ADCY4: variants seen among roughly 807,000 people sequenced by gnomAD.
The protein encoded by ADCY4 is adenylate cyclase type 4.
Under a neutral mutation model 125.5 loss-of-function variants are expected in ADCY4, and 111 were observed. The observed-to-expected ratio is 0.88, with a 90% CI of 0.76 to 1.04. The LOEUF (loss-of-function observed/expected upper bound fraction) is 1.04, where lower values mean the gene tolerates loss of function less well. Ranked by LOEUF, ADCY4 falls within the 50% of genes least tolerant of loss-of-function variation. The probability of loss-of-function intolerance (pLI) is 0.00; values close to 1 mark genes in which losing one functional copy is unlikely to be tolerated. For missense variants in ADCY4, 1,256 were observed against 1,382.9 expected, an observed-to-expected ratio of 0.91 and a Z score of 1.46; for synonymous variants, 576 against 586.9, an observed-to-expected ratio of 0.98 and a Z score of 0.27.
rs2041814896 is a variant in ADCY4 at position 24,319,154 on chromosome 14, C to A, written c.2900G>T (p.Gly967Val). The A allele has an allele frequency of 6.2e-7, 1 of 1,613,936 alleles. No homozygotes were observed. Residue 967 changes from glycine to valine, a missense_variant, in exon 23 of 25, where the codon GGG (glycine) becomes GTG (valine). By Grantham distance (109) the Gly-to-Val change is moderately radical. Coordinates refer to ENST00000418030, the MANE Select transcript of ADCY4 (RefSeq NM_001198568.2). The surrounding 1 kb of genome is among the most constrained non-coding windows in gnomAD (Gnocchi z 4.5). ...CTTGTTGATGACGTCCAGCTTAGAC[C>A]CCAGGGCCACGGCAAATTCCACCAT... ...GTMVEFAVAL[G>V]SKLDVINKHS...
In ADCY4 at chr14:24,325,754, C is replaced by T. The variant is rs2041931954; in HGVS notation, c.1725+64G>A. ...TTGGGGAGGAGACCCAAGGGCTGAC[C>T]CCTCCCCAGCACCAAGGAACTAAAG... On this transcript the variant is annotated intron_variant, in intron 13 of 24. Coordinates refer to ENST00000418030, the MANE Select transcript of ADCY4 (RefSeq NM_001198568.2). 6 of 1,538,742 alleles carry T rather than the reference C, an allele frequency of 3.9e-6. No individual in the cohort carries two copies. In the Admixed American group the frequency reaches 9.7e-5, roughly 25 times the overall value.
intron 16 of ADCY4, 55 bp downstream of exon 16, chr14:24,324,007 C>T: frequency 1.3e-6 from 2 of 1,587,968 alleles, no homozygotes; most frequent in Non-Finnish European, 1.7e-6. Flanking sequence ...CCTTTCAGTC[C>T]CTGGCAGGTC....
In ADCY4 at chr14:24,330,298, G is replaced by C. The variant is rs1232421375; in HGVS notation, c.931-3C>G. 5 of 1,614,118 alleles carry C rather than the reference G, an allele frequency of 3.1e-6. No homozygotes were observed. The stretch of plus-strand genomic sequence containing the variant: ...TTGATCCGCATGCATTCATGCTCCT[G>C]GGAGTGTGTATGTGGGTGTGCAGAG... On this transcript the variant is annotated splice_region_variant and splice_polypyrimidine_tract_variant and intron_variant, in intron 6 of 24. Coordinates refer to ENST00000418030, the MANE Select transcript of ADCY4 (RefSeq NM_001198568.2).
At position 24,326,571 on chromosome 14, in the gene ADCY4, TTGTGTGTGTGTGTGTG is replaced by T. The variant is rs71119070; in HGVS notation, c.1525-245_1525-230del. 21 of 278,276 alleles carry T rather than the reference TTGTGTGTGTGTGTGTG, an allele frequency of 7.5e-5. No individual in the cohort carries two copies. The East Asian group carries it at 8.2e-4, about 11-fold the overall frequency. The allele number at this position is 278,276 out of a possible 1,614,324, so 17.2% of individuals were successfully genotyped here. A position where few individuals can be genotyped will look rare whatever the true frequency, so the allele number is the denominator to read the frequency against. On this transcript the variant is annotated intron_variant, in intron 10 of 24. Coordinates refer to ENST00000418030, the MANE Select transcript of ADCY4 (RefSeq NM_001198568.2). ...CTGACTCTCTAGACTCCCAGGATCTTTGTGTGTGTGTGTGTGTGTGTGTGTGTGTGTGTGTGTGTGT... is the reference window on the plus strand; with the variant it reads ...CTGACTCTCTAGACTCCCAGGATCTTTGTGTGTGTGTGTGTGTGTGTGTGT...
intron 16 of ADCY4, 40 bp from the exon 17 acceptor site, chr14:24,323,494 T>C: frequency 1.3e-6 from 2 of 1,549,750 alleles, no homozygotes; most frequent in African/African-American, 1.4e-5. Flanking sequence ...AGGTAGCTTC[T>C]TGGGCACAGT....
chr14:24,330,152 C>A lies in ADCY4; in HGVS notation c.1058+16G>T, dbSNP rs10483285. On this transcript the variant is annotated intron_variant, in intron 7 of 24. Coordinates refer to ENST00000418030, the MANE Select transcript of ADCY4 (RefSeq NM_001198568.2). ...ATCCACCCTCAGCATTCCTCTTGAC[C>A]ACCGCCTGAGCTGACCTGATGGCCC... 0.061 allele frequency: 97,445 copies of A among 1,609,230 alleles called. 3,272 individuals carry two copies. The highest frequency in any genetic ancestry group is 0.11 in the East Asian group (4,825 of 44,714).
Position 24,332,839 on chromosome 14 carries a change from T to G in ADCY4, c.309A>C (p.Leu103=). 6.3e-7 allele frequency: 1 copy of G among 1,590,994 alleles called. No individual in the cohort carries two copies. Residue 103 remains leucine, a synonymous_variant, in exon 2 of 25, where the codon CTA becomes CTC. Coordinates refer to ENST00000418030, the MANE Select transcript of ADCY4 (RefSeq NM_001198568.2). Reference sequence around the variant, plus strand: ...CCCCGGTGAACAGGAAGGCGTGGCCTAGCGCTAGCAGCGCGACCCATACCA... The same window carrying G: ...CCCCGGTGAACAGGAAGGCGTGGCCGAGCGCTAGCAGCGCGACCCATACCA... ...SGLVWVALLA[L]GHAFLFTGGV...
chr14:24,334,129 T>C (rs1200218203), intron 1 of ADCY4, among the ~76,000 whole-genome samples: 2 of 152,136 alleles, frequency 1.3e-5, no homozygotes, highest in African/African-American at 4.8e-5. Context: ...ACAACTGCTC[T>C]ACATCCCCTA....
chr14:24,330,918 G>A, intron 6 of ADCY4, 100 bp downstream of exon 6: 2 of 1,055,308 alleles, frequency 1.9e-6, no homozygotes, highest in Non-Finnish European at 2.7e-6. Context: ...ATGCACTGAA[G>A]TGGGCCTGGG....
At chr14:24,333,976 A>G (rs1453172337) in intron 1 of ADCY4, among the ~76,000 whole-genome samples, 1 of 152,218 alleles carries the variant, frequency 6.6e-6, no homozygotes, top group African/African-American at 2.4e-5. Context: ...CCTTGCCTCC[A>G]AGCAGTGAAA....
In ADCY4 at chr14:24,332,626, G is replaced by C. The variant is rs559662412; in HGVS notation, c.415C>G (p.Arg139Gly). 15 of 1,582,814 alleles carry C rather than the reference G, an allele frequency of 9.5e-6. No homozygotes were observed. The highest frequency in any genetic ancestry group is 2.3e-5 in the East Asian group (1 of 43,482). The change falls in exon 3 of 25, where the codon CGG (arginine) becomes GGG (glycine). Residue 139 changes from arginine to glycine, a missense_variant. Physicochemically the swap from Arg to Gly is moderately radical, Grantham distance 125. Coordinates refer to ENST00000418030, the MANE Select transcript of ADCY4 (RefSeq NM_001198568.2). ...TAYAMLPLGMRDAAVAGLASS... is the reference protein window; with the variant it reads ...TAYAMLPLGMGDAAVAGLASS... The stretch of plus-strand genomic sequence containing the variant: ...GCGAGGCCCGCGACGGCGGCGTCCC[G>C]CATGCCCAAGGGCAGCATGGCATAC...
At chr14:24,323,623 G>A in intron 16 of ADCY4, 169 bp from the exon 17 acceptor site, 1 of 1,433,292 alleles carries the variant, frequency 7.0e-7, no homozygotes. Flanking sequence ...TCCTCACTCG[G>A]GGAGGAGTTA....
intron 10 of ADCY4, chr14:24,328,774 G>A (rs1030595093): frequency 6.2e-5 from 24 of 387,896 alleles, no homozygotes; most frequent in African/African-American, 2.3e-4. Context: ...TCTCGTCGTC[G>A]CACACAGGGA....
chr14:24,325,692 C>G, intron 13 of ADCY4, 126 bp downstream of exon 13: 2 of 1,169,780 alleles, frequency 1.7e-6, no homozygotes, highest in Non-Finnish European at 2.4e-6. Flanking sequence ...GAGAGAGGCA[C>G]AAGCTCCTCA....
Position 24,334,630 on chromosome 14 carries a change from C to T in ADCY4, c.23G>A (p.Arg8Gln). The change falls in exon 1 of 25, where the codon CGG (arginine) becomes CAG (glutamine). Residue 8 changes from arginine (R) to glutamine (Q), a missense_variant. By Grantham distance (43) the Arg-to-Gln change is conservative. Coordinates refer to ENST00000418030, the MANE Select transcript of ADCY4 (RefSeq NM_001198568.2). ...GAAGAGGTCTTCGCTGGGGGGCGGC[C>T]GGGGGCTGAAGAGGCGGGCCATGAT... MARLFSP[R>Q]PPPSEDLFYE... is the part of the protein sequence containing the mutation. The T allele has an allele frequency of 6.4e-7, 1 of 1,553,856 alleles. No individual in the cohort carries two copies. Among genetic ancestry groups the T allele is most frequent in the Non-Finnish European group, 8.7e-7 (1 of 1,151,726 alleles).
chr14:24,328,994 G>A, intron 10 of ADCY4, 67 bp downstream of exon 10: 2 of 1,552,894 alleles, frequency 1.3e-6, no homozygotes, highest in South Asian at 1.2e-5. Context: ...AAGGCTGCCA[G>A]TGGGGCCTGA....
In ADCY4 at chr14:24,332,875, G is replaced by T. The variant is rs200394348; in HGVS notation, c.273C>A (p.Pro91=). The T allele has an allele frequency of 5.6e-6, 9 of 1,606,008 alleles. No homozygotes were observed. The African/African-American group carries it at 1.1e-4, about 19-fold the overall frequency. Reference sequence around the variant, plus strand: ...GCGCGACCCATACCAAGCCGGACAGGGGACGCGTCCAGCGCTGCAGTCGCT... The same window carrying T: ...GCGCGACCCATACCAAGCCGGACAGTGGACGCGTCCAGCGCTGCAGTCGCT... ...REQRLQRWTR[P]LSGLVWVALL... The change falls in exon 2 of 25, where the codon CCC becomes CCA. Residue 91 remains proline (P), a synonymous_variant. Coordinates refer to ENST00000418030, the MANE Select transcript of ADCY4 (RefSeq NM_001198568.2).
chr14:24,334,550 C>G lies in ADCY4; in HGVS notation c.103G>C (p.Gly35Arg). Residue 35 changes from glycine (G) to arginine (R), a missense_variant, in exon 1 of 25, where the codon GGG becomes CGG. Physicochemically the swap from Gly to Arg is moderately radical, Grantham distance 125 (BLOSUM62 -2). Coordinates refer to ENST00000418030, the MANE Select transcript of ADCY4 (RefSeq NM_001198568.2). ...GCCGCGAGCGCACAGAGCACGATCC[C>G]CAGCAGCAGCAGCAGCAGCGGGTAC... ...QQYPLLLLLL[G>R]IVLCALAALL... 1 of 1,582,822 alleles carries G rather than the reference C, an allele frequency of 6.3e-7. No homozygotes were observed. Among genetic ancestry groups the G allele is most frequent in the Non-Finnish European group, 8.6e-7 (1 of 1,168,490 alleles).
In ADCY4 at chr14:24,323,414, G is replaced by A. The variant is rs765781987; in HGVS notation, c.2087C>T (p.Pro696Leu). The A allele has an allele frequency of 1.9e-6, 3 of 1,556,758 alleles. No individual in the cohort carries two copies. In the Admixed American group the frequency reaches 5.8e-5, roughly 30 times the overall value. The change falls in exon 17 of 25, where the codon CCC becomes CTC. Residue 696 changes from proline (P) to leucine (L), a missense_variant. Physicochemically the swap from Pro to Leu is moderately conservative, Grantham distance 98. Transcript: ENST00000418030. ...PTSSDCPFQA[P>L]NVSSMISNLS... ...GTTGGAAATCATGGAGGACACATTG[G>A]GAGCTTGGAAAGGGCAGTCTGATGA...
Sources: gnomAD v4.1 joint callset for allele counts (sites outside exome capture counted in the v4.1 genomes callset) on GRCh38, gnomAD v4.1.1 for gene constraint, Gnocchi (gnomAD v3.1) non-coding constraint, MANE v1.5 for transcripts, NCBI Gene and HGNC (gene_info 2026-07-23, HGNC 2026-07-21) for gene names.